The following LIMD1 variants were observed in gnomAD, a reference collection of about 807,000 sequenced individuals.
LIMD1 encodes the protein LIM domain-containing protein 1.
In LIMD1, 23 loss-of-function variants were observed where a neutral mutation model predicts 58.4. That is an observed-to-expected ratio of 0.39 (90% CI 0.28 to 0.56). The LOEUF is 0.56. LIMD1 is among the 20% of genes least tolerant of loss of function. The pLI, the probability that LIMD1 is intolerant of heterozygous loss-of-function variation, is 0.57. For synonymous variants in LIMD1, 334 were observed against 345.5 expected, an observed-to-expected ratio of 0.97 and a Z score of 0.37; for missense variants, 838 against 855.5, an observed-to-expected ratio of 0.98 and a Z score of 0.25.
intron 1 of LIMD1, among the ~76,000 whole-genome samples, chr3:45,601,023 C>T (rs1434483006): frequency 6.6e-6 from 1 of 152,158 alleles, no homozygotes; most frequent in Non-Finnish European, 1.5e-5. Context: ...ATGATCATGC[C>T]ACTGCACTCC....
At chr3:45,601,921 C>A (rs1287688437) in intron 1 of LIMD1, among the ~76,000 whole-genome samples, 2 of 151,844 alleles carry the variant, frequency 1.3e-5, no homozygotes, top group African/African-American at 2.4e-5. Context: ...ATGCCTTCTT[C>A]CCCCATATTT....
rs575084320 is a variant in LIMD1 at position 45,675,347 on chromosome 3, T to C, written c.1893+936T>C. 4.1e-4 allele frequency among the ~76,000 whole-genome samples: 63 copies of C among 152,262 alleles called. 1 individual carries two copies. Among genetic ancestry groups the C allele is most frequent in the African/African-American group, 1.5e-3 (61 of 41,550 alleles). On this transcript the variant is annotated intron_variant, in intron 7 of 7. Transcript: ENST00000273317. ...GAGTTCGAGACCAGCCTGGCCAACA[T>C]GGCAAAAACCCATCTCTACTAAAAA...
intron 2 of LIMD1, among the ~76,000 whole-genome samples, chr3:45,658,783 G>A (rs913969067): frequency 5.9e-5 from 9 of 151,626 alleles, no homozygotes; most frequent in African/African-American, 1.9e-4. Flanking sequence ...TTGAACTCCC[G>A]ACTTCAGGCG....
intron 2 of LIMD1, among the ~76,000 whole-genome samples, chr3:45,638,379 A>G (rs147758803): frequency 1.3e-5 from 2 of 152,318 alleles, no homozygotes; most frequent in African/African-American, 2.4e-5. Context: ...TTGAGCTTCT[A>G]TTGGTCCTGT....
At chr3:45,669,724 C>T (rs1423106404) in intron 4 of LIMD1, among the ~76,000 whole-genome samples, 1 of 152,150 alleles carries the variant, frequency 6.6e-6, no homozygotes, top group Non-Finnish European at 1.5e-5. Context: ...GAGCTTCATC[C>T]ATGCTGTTAC....
intron 1 of LIMD1, among the ~76,000 whole-genome samples, chr3:45,632,170 T>C (rs1453560830): frequency 6.6e-6 from 1 of 152,232 alleles, no homozygotes; most frequent in Non-Finnish European, 1.5e-5. Flanking sequence ...GTGTGCTTAG[T>C]TGATGCCTGA....
At chr3:45,618,612 G>T (rs1559516203) in intron 1 of LIMD1, among the ~76,000 whole-genome samples, 1 of 152,154 alleles carries the variant, frequency 6.6e-6, no homozygotes, top group Non-Finnish European at 1.5e-5. Context: ...AGGGAGGGAA[G>T]GAAATGAACT....
At chr3:45,629,536 G>A (rs1701705866) in intron 1 of LIMD1, among the ~76,000 whole-genome samples, 1 of 152,098 alleles carries the variant, frequency 6.6e-6, no homozygotes, top group African/African-American at 2.4e-5. Flanking sequence ...AGGGACCTAG[G>A]TGAGGACAGG....
chr3:45,650,043 G>C (rs902047493), intron 2 of LIMD1, among the ~76,000 whole-genome samples: 4 of 151,302 alleles, frequency 2.6e-5, no homozygotes, highest in Non-Finnish European at 5.9e-5. Flanking sequence ...TGAGCTTCTT[G>C]GATCTGTGTG....
chr3:45,623,611 A>T lies in LIMD1; in HGVS notation c.1409-12539A>T, dbSNP rs117175748. On this transcript the variant is annotated intron_variant, in intron 1 of 7. Transcript: ENST00000273317. ...TAATGGCAAGTTCAGAATGAAAAAA[A>T]GTAGGCTGGCACAATGACCCTATGG... Among the ~76,000 whole-genome samples the T allele has an allele frequency of 7.3e-3, 1,110 of 152,304 alleles. 46 individuals carry two copies. In the East Asian group the frequency reaches 0.099, roughly 14 times the overall value.
intron 1 of LIMD1, among the ~76,000 whole-genome samples, chr3:45,633,339 A>G (rs76388015): frequency 0.027 from 4,058 of 152,330 alleles, 70 homozygotes; most frequent in Non-Finnish European, 0.044. Flanking sequence ...TTTGCTTTAC[A>G]TAGATCATTT....
At chr3:45,669,785 G>A (rs1028025869) in intron 4 of LIMD1, among the ~76,000 whole-genome samples, 3 of 152,130 alleles carry the variant, frequency 2.0e-5, no homozygotes, top group East Asian at 1.9e-4. Context: ...TCCATTGTAT[G>A]GATATAGCAC....
Position 45,594,811 on chromosome 3 carries a change from A to ACACACACACACACACACAC in LIMD1, c.-68_-50dup, listed in dbSNP as rs1701320857. ...CACACACACACACACACACACACAC[A>ACACACACACACACACACAC]CACACACACACACACACACACACAC... On this transcript the variant is annotated 5_prime_UTR_variant, in exon 1 of 8. Transcript: ENST00000273317. 1.3e-6 allele frequency: 1 copy of ACACACACACACACACACAC among 771,464 alleles called. No individual in the cohort carries two copies. Among genetic ancestry groups the ACACACACACACACACACAC allele is most frequent in the African/African-American group, 1.8e-5 (1 of 57,000 alleles). The allele number at this position is 771,464 out of a possible 1,614,324, so 47.8% of individuals were successfully genotyped here. A position where few individuals can be genotyped will look rare whatever the true frequency, so the allele number is the denominator to read the frequency against.
chr3:45,621,452 C>T (rs972304958), intron 1 of LIMD1, among the ~76,000 whole-genome samples: 2 of 152,114 alleles, frequency 1.3e-5, no homozygotes, highest in Non-Finnish European at 2.9e-5. Context: ...TGTTGCCAGG[C>T]TGGTCTTGAA....
Position 45,682,283 on chromosome 3 carries a change from G to C in LIMD1, c.*5224G>C, listed in dbSNP as rs113079177. The C allele has an allele frequency of 6.6e-6, 1 of 152,236 alleles. No individual in the cohort carries two copies. Among genetic ancestry groups the C allele is most frequent in the East Asian group, 1.9e-4 (1 of 5,192 alleles). 9.4% of individuals were successfully genotyped at this position (152,236 alleles called of 1,614,324 possible). A position where few individuals can be genotyped will look rare whatever the true frequency, so the allele number is the denominator to read the frequency against. On this transcript the variant is annotated 3_prime_UTR_variant, in exon 8 of 8. Coordinates refer to ENST00000273317, the MANE Select transcript of LIMD1 (RefSeq NM_014240.3). Reference sequence around the variant, plus strand: ...TGAAGATGCAATCAGGGTAAAAGGCGGTCTGGAGTTGTGGTGTGCTGGCAA... The same window carrying C: ...TGAAGATGCAATCAGGGTAAAAGGCCGTCTGGAGTTGTGGTGTGCTGGCAA...
chr3:45,620,380 G>A (rs577738252), intron 1 of LIMD1, among the ~76,000 whole-genome samples: 1 of 152,176 alleles, frequency 6.6e-6, no homozygotes, highest in African/African-American at 2.4e-5. Context: ...ATACATAAGT[G>A]GGGAGAAGGG....
In LIMD1 at chr3:45,665,211, C is replaced by G. The variant is rs574260824; in HGVS notation, c.1511-439C>G. On this transcript the variant is annotated intron_variant, in intron 2 of 7. Transcript: ENST00000273317. ...ATAGTTAACCAATGTATAGGACTCT[C>G]CTGATAGGCGGTCACAATGGTCCTG... Among the ~76,000 whole-genome samples, 6 of 152,088 alleles carry G rather than the reference C, an allele frequency of 3.9e-5. No homozygotes were observed. In the East Asian group the frequency reaches 1.2e-3, roughly 29 times the overall value.
rs572339913 is a variant in LIMD1, at chr3:45,679,553, A to C, written c.*2494A>C. ...GAAAAGATTTTAAAATTTAGAATGA[A>C]TAGCCCTTCTGGGTTTTCTTTTTGA... is the stretch of plus-strand genomic sequence containing the variant. On this transcript the variant is annotated 3_prime_UTR_variant, in exon 8 of 8. Transcript: ENST00000273317. 47 of 152,280 alleles carry C rather than the reference A, an allele frequency of 3.1e-4. No homozygotes were observed. Among genetic ancestry groups the C allele is most frequent in the African/African-American group, 1.1e-3 (44 of 41,556 alleles). The allele number at this position is 152,280 out of a possible 1,614,324, so 9.4% of individuals were successfully genotyped here.
At chr3:45,605,655 G>T (rs1200780913) in intron 1 of LIMD1, among the ~76,000 whole-genome samples, 1 of 152,218 alleles carries the variant, frequency 6.6e-6, no homozygotes, top group East Asian at 1.9e-4. Context: ...AGGACGAAAG[G>T]TGTCCTTTAG....
Sources: gnomAD v4.1 joint callset for allele counts (sites outside exome capture counted in the v4.1 genomes callset) on GRCh38, gnomAD v4.1.1 for gene constraint, MANE v1.5 for transcripts, NCBI Gene and HGNC (gene_info 2026-07-23, HGNC 2026-07-21) for gene names.